Variants in RERE observed in about 807,000 individuals in gnomAD.
The protein encoded by RERE is arginine-glutamic acid dipeptide repeats protein.
A neutral mutation model predicts 146.1 loss-of-function variants in RERE; 40 were observed. The ratio of observed to expected loss-of-function variants is 0.27; its 90% confidence interval spans 0.21 to 0.36. The LOEUF is 0.36. Ranked by LOEUF, RERE falls within the 10% of genes least tolerant of loss-of-function variation. The pLI, the probability that RERE is intolerant of heterozygous loss-of-function variation, is 1.00. For missense variants in RERE, 1,933 were observed against 2,138.7 expected, an observed-to-expected ratio of 0.90 and a Z score of 1.90; for synonymous variants, 1,003 against 866.0, an observed-to-expected ratio of 1.16 and a Z score of -2.78.
chr1:8,517,872 G>C (rs533726676), intron 7 of RERE, among the ~76,000 whole-genome samples: 1 of 152,328 alleles, frequency 6.6e-6, no homozygotes, highest in Non-Finnish European at 1.5e-5. Context: ...ACAGGGAATG[G>C]ACAGAAAGGA....
intron 11 of RERE, among the ~76,000 whole-genome samples, chr1:8,447,374 G>A (rs1405361747): frequency 6.6e-6 from 1 of 152,018 alleles, no homozygotes; most frequent in South Asian, 2.1e-4. Flanking sequence ...GAGAAGAGGC[G>A]TTCTGGTTTT....
At chr1:8,640,459 AT>A (rs1356105031) in intron 2 of RERE, among the ~76,000 whole-genome samples, 1 of 152,216 alleles carries the variant, frequency 6.6e-6, no homozygotes, top group African/African-American at 2.4e-5. Flanking sequence ...ACATTACACT[AT>A]CACTCTGTAC....
At chr1:8,701,581 C>T (rs541971806) in intron 1 of RERE, among the ~76,000 whole-genome samples, 3 of 152,268 alleles carry the variant, frequency 2.0e-5, no homozygotes, top group Admixed American at 2.0e-4. Context: ...CTCGCAGATG[C>T]ATTGCTTTCA....
Position 8,615,925 on chromosome 1 carries a change from G to A in RERE, c.397-1239C>T, listed in dbSNP as rs1464956318. On this transcript the variant is annotated intron_variant, in intron 3 of 22. Coordinates refer to ENST00000400908, the MANE Select transcript of RERE (RefSeq NM_001042681.2). ...TCCTGGGATCTACACTAAAATTTCT[G>A]TGCAGTCAGTCTCTGATTCTCATGG... 2.6e-5 allele frequency among the ~76,000 whole-genome samples: 4 copies of A among 152,144 alleles called. No individual in the cohort carries two copies. In the East Asian group the frequency reaches 7.7e-4, roughly 29 times the overall value.
intron 11 of RERE, among the ~76,000 whole-genome samples, chr1:8,449,628 G>A (rs575133018): frequency 3.3e-5 from 5 of 152,168 alleles, no homozygotes; most frequent in Admixed American, 1.3e-4. Context: ...AGACCACTAC[G>A]TGACTGCACT....
intron 1 of RERE, among the ~76,000 whole-genome samples, chr1:8,777,163 T>C (rs1253725861): frequency 5.9e-5 from 9 of 152,234 alleles, no homozygotes; most frequent in Non-Finnish European, 1.3e-4. Context: ...AAGAAAGTTA[T>C]CAATATTTTA....
intron 1 of RERE, among the ~76,000 whole-genome samples, chr1:8,803,018 A>G (rs989506476): frequency 2.0e-5 from 3 of 152,240 alleles, no homozygotes; most frequent in Non-Finnish European, 2.9e-5. Context: ...TTCTTAACAC[A>G]TTCAGGACAT....
At chr1:8,427,151 C>T (rs1010395916) in intron 11 of RERE, among the ~76,000 whole-genome samples, 7 of 152,132 alleles carry the variant, frequency 4.6e-5, no homozygotes, top group Non-Finnish European at 8.8e-5. Context: ...TCACCGCACC[C>T]GGACAAGTGA....
chr1:8,492,349 A>G (rs2124222738), intron 10 of RERE, among the ~76,000 whole-genome samples: 1 of 152,360 alleles, frequency 6.6e-6, no homozygotes, highest in Middle Eastern at 3.4e-3. Context: ...AATCATATAC[A>G]TTCAAGAAAG....
chr1:8,495,801 A>T (rs1645037262), intron 9 of RERE, among the ~76,000 whole-genome samples: 1 of 152,196 alleles, frequency 6.6e-6, no homozygotes, highest in Admixed American at 6.5e-5. Flanking sequence ...AGTCTCCAGA[A>T]AACATGTGAA....
chr1:8,774,347 ATTTTTTTTTTT>A (rs34859762), intron 1 of RERE, among the ~76,000 whole-genome samples: 2 of 93,178 alleles, frequency 2.1e-5, no homozygotes, highest in South Asian at 3.7e-4. Context: ...TTGGCAAACT[ATTTTTTTTTTT>A]TTTTTTTTTT....
intron 11 of RERE, among the ~76,000 whole-genome samples, chr1:8,451,293 G>A (rs778343576): frequency 2.6e-5 from 4 of 152,164 alleles, no homozygotes; most frequent in Non-Finnish European, 5.9e-5. Flanking sequence ...TAGCTGGGGT[G>A]TGGTGGCACA....
At chr1:8,432,446 G>A (rs1644108592) in intron 11 of RERE, among the ~76,000 whole-genome samples, 1 of 151,872 alleles carries the variant, frequency 6.6e-6, no homozygotes, top group African/African-American at 2.4e-5. Flanking sequence ...ACGAGGCACT[G>A]AGTGAACAAG....
intron 10 of RERE, among the ~76,000 whole-genome samples, chr1:8,490,841 T>C (rs1570327605): frequency 6.7e-6 from 1 of 150,078 alleles, no homozygotes; most frequent in Non-Finnish European, 1.5e-5. Context: ...CTTTTGGGGG[T>C]GTTGGAAATG....
At chr1:8,689,608 C>T (rs906782446) in intron 1 of RERE, among the ~76,000 whole-genome samples, 14 of 152,014 alleles carry the variant, frequency 9.2e-5, no homozygotes, top group African/African-American at 3.1e-4. Flanking sequence ...CAATAATTTC[C>T]CCACTGAAGT....
chr1:8,497,309 T>C (rs909126775), intron 9 of RERE, 96 bp downstream of exon 9: 23 of 1,374,706 alleles, frequency 1.7e-5, no homozygotes, highest in Non-Finnish European at 2.2e-5. Context: ...ACGCCCAATA[T>C]AGAAATAAAA....
intron 6 of RERE, among the ~76,000 whole-genome samples, chr1:8,542,665 C>T (rs1645813305): frequency 6.6e-6 from 1 of 152,064 alleles, no homozygotes; most frequent in South Asian, 2.1e-4. Context: ...TCTCACCACA[C>T]CTGGTTAATT....
chr1:8,470,666 C>T (rs991173960), intron 10 of RERE, among the ~76,000 whole-genome samples: 1 of 152,010 alleles, frequency 6.6e-6, no homozygotes, highest in Non-Finnish European at 1.5e-5. Context: ...TGCCCTCCTC[C>T]TTAGGAAACC....
chr1:8,423,111 G>A lies in RERE; in HGVS notation c.1204-304C>T. ...CCTCTTCCACCAGGCACACATTCTGGTGCACGAAGGTATAAATATGCTCCA... is the reference window on the plus strand; with the variant it reads ...CCTCTTCCACCAGGCACACATTCTGATGCACGAAGGTATAAATATGCTCCA... On this transcript the variant is annotated intron_variant, in intron 11 of 22. Coordinates refer to ENST00000400908, the MANE Select transcript of RERE (RefSeq NM_001042681.2). The surrounding 1 kb of genome is among the most constrained non-coding windows in gnomAD (Gnocchi z 5.4). The A allele has an allele frequency of 2.8e-6, 1 of 355,244 alleles. No individual in the cohort carries two copies. The highest frequency in any genetic ancestry group is 3.4e-5 in the South Asian group (1 of 29,400). 22.0% of individuals were successfully genotyped at this position (355,244 alleles called of 1,614,324 possible). A position where few individuals can be genotyped will look rare whatever the true frequency, so the allele number is the denominator to read the frequency against.
Sources: gnomAD v4.1 joint callset for allele counts (sites outside exome capture counted in the v4.1 genomes callset) on GRCh38, gnomAD v4.1.1 for gene constraint, Gnocchi (gnomAD v3.1) non-coding constraint, MANE v1.5 for transcripts, NCBI Gene and HGNC (gene_info 2026-07-23, HGNC 2026-07-21) for gene names.